The following PSMD5 variants were observed in gnomAD, a reference collection of about 807,000 sequenced individuals.
The protein encoded by PSMD5 is 26S proteasome non-ATPase regulatory subunit 5.
In PSMD5, 40 loss-of-function variants were observed where a neutral mutation model predicts 52.1. The ratio of observed to expected loss-of-function variants is 0.77; its 90% CI spans 0.60 to 1.00. The LOEUF (loss-of-function observed/expected upper bound fraction) is 1.00. PSMD5 is among the 50% of genes least tolerant of loss of function. PSMD5 has a pLI of 0.00. For missense variants in PSMD5, 575 were observed against 605.2 expected (o/e 0.95, Z 0.52); for synonymous variants, 211 against 226.6 (o/e 0.93, Z 0.62).
In PSMD5 at chr9:120,827,624, C is replaced by A. The variant is rs1051193846; in HGVS notation, c.672-717G>T. On this transcript the variant is annotated intron_variant, in intron 5 of 9. Coordinates refer to ENST00000210313, the MANE Select transcript of PSMD5 (RefSeq NM_005047.4). ...AAATAATTAACAAAATTAATTGTCT[C>A]ATTAGGTTGAGACACTCAAATGCAC... Among the ~76,000 whole-genome samples, 8 of 152,248 alleles carry A rather than the reference C, an allele frequency of 5.3e-5. 1 individual carries two copies. The highest frequency in any genetic ancestry group is 6.8e-3 in the Middle Eastern group (2 of 294).
intron 6 of PSMD5, among the ~76,000 whole-genome samples, chr9:120,825,840 T>G (rs1277678174): frequency 6.6e-6 from 1 of 152,154 alleles, no homozygotes; most frequent in African/African-American, 2.4e-5. Context: ...TATATATTAA[T>G]AAAACATTAC....
intron 1 of PSMD5, among the ~76,000 whole-genome samples, chr9:120,837,444 C>T (rs1386307660): frequency 6.6e-6 from 1 of 152,252 alleles, no homozygotes; most frequent in Non-Finnish European, 1.5e-5. Context: ...GTAGCCTCCA[C>T]CTCAGCCTCC....
chr9:120,839,842 G>A (rs1159015955), intron 1 of PSMD5, among the ~76,000 whole-genome samples: 1 of 127,780 alleles, frequency 7.8e-6, no homozygotes, highest in African/African-American at 2.9e-5. Context: ...TTGGCTGGGC[G>A]CAGTGGCTCA....
Position 120,842,855 on chromosome 9 carries a change from G to A in PSMD5, c.55C>T (p.Leu19=), listed in dbSNP as rs767450164. Residue 19 remains leucine, a synonymous_variant, in exon 1 of 10, where the codon CTG becomes TTG. Coordinates refer to ENST00000210313, the MANE Select transcript of PSMD5 (RefSeq NM_005047.4). ...LREVARLEAP[L]EELRALHSVL... ...GAGTGAAGCGCGCGTAGCTCCTCCA[G>A]CGGCGCTTCCAGCCTCGCTACCTCT... The A allele has an allele frequency of 4.4e-6, 7 of 1,606,312 alleles. No homozygotes were observed. The highest frequency in any genetic ancestry group is 5.9e-6 in the Non-Finnish European group (7 of 1,178,664).
intron 6 of PSMD5, among the ~76,000 whole-genome samples, chr9:120,825,882 T>C (rs1166951979): frequency 6.6e-6 from 1 of 152,192 alleles, no homozygotes; most frequent in Non-Finnish European, 1.5e-5. Flanking sequence ...TTTCACTTCT[T>C]TCTTTCCGAT....
At chr9:120,832,343 G>C (rs1001054704) in intron 2 of PSMD5, among the ~76,000 whole-genome samples, 1 of 151,442 alleles carries the variant, frequency 6.6e-6, no homozygotes, top group Non-Finnish European at 1.5e-5. Flanking sequence ...ACAGTGTCTG[G>C]CATATAAATG....
intron 1 of PSMD5, chr9:120,842,248 C>T: frequency 6.4e-6 from 1 of 157,162 alleles, no homozygotes; most frequent in Non-Finnish European, 1.4e-5. Context: ...ATTCCAGCCT[C>T]GGGTTCGAAA....
At chr9:120,818,724 A>G (rs1374703328) in intron 9 of PSMD5, among the ~76,000 whole-genome samples, 2 of 151,974 alleles carry the variant, frequency 1.3e-5, no homozygotes, top group Non-Finnish European at 2.9e-5. Flanking sequence ...CTTTTAACAT[A>G]GACAAATTTT....
chr9:120,824,430 A>C, intron 7 of PSMD5, 64 bp downstream of exon 7: 1 of 1,518,830 alleles, frequency 6.6e-7, no homozygotes. Flanking sequence ...CCAGCAAATG[A>C]ACTTACATAT....
At chr9:120,821,310 C>T (rs2045082432) in intron 8 of PSMD5, 45 bp downstream of exon 8, 3 of 1,271,360 alleles carry the variant, frequency 2.4e-6, no homozygotes, top group African/African-American at 3.0e-5. Context: ...GATTTATTCT[C>T]CCAAACATAT....
chr9:120,818,309 C>A (rs2045059493), intron 9 of PSMD5, 146 bp from the exon 10 acceptor site: 2 of 806,532 alleles, frequency 2.5e-6, no homozygotes, highest in Non-Finnish European at 3.7e-6. Context: ...GAGAATCTAA[C>A]TTAATAAAAT....
chr9:120,835,495 C>A (rs2045191610), intron 1 of PSMD5, among the ~76,000 whole-genome samples: 1 of 152,054 alleles, frequency 6.6e-6, no homozygotes, highest in African/African-American at 2.4e-5. Context: ...GAGGCCATAG[C>A]AGGTGGGTCA....
rs772241680 is a variant in PSMD5, at chr9:120,831,351, C to T, written c.541G>A (p.Val181Ile). 4 of 1,610,154 alleles carry T rather than the reference C, an allele frequency of 2.5e-6. No homozygotes were observed. The highest frequency in any genetic ancestry group is 8.5e-7 in the Non-Finnish European group (1 of 1,178,748). The part of the protein sequence containing the change: ...LKSVMKTNDI[V>I]RYRVYELIIE... ...CTTACCTCATACACCCTGTATCGAACAATGTCATTTGTTTTCATTACACTT... is the reference window on the plus strand; with the variant it reads ...CTTACCTCATACACCCTGTATCGAATAATGTCATTTGTTTTCATTACACTT... Residue 181 changes from valine to isoleucine, a missense_variant, in exon 4 of 10, where the codon GTT becomes ATT. Physicochemically the swap from Val to Ile is conservative, Grantham distance 29. Transcript: ENST00000210313.
chr9:120,842,446 T>C (rs933291741), intron 1 of PSMD5: 1 of 484,358 alleles, frequency 2.1e-6, no homozygotes, highest in Non-Finnish European at 3.7e-6. Flanking sequence ...TCCTTGTAAG[T>C]GGACAGCTTT....
chr9:120,829,496 C>T (rs1026669883), intron 4 of PSMD5, among the ~76,000 whole-genome samples: 25 of 152,094 alleles, frequency 1.6e-4, no homozygotes, highest in Non-Finnish European at 2.8e-4. Context: ...TGAGTTCAAG[C>T]GATTCTCGTG....
At chr9:120,830,888 T>TAA (rs1316538103) in intron 4 of PSMD5, among the ~76,000 whole-genome samples, 5 of 150,740 alleles carry the variant, frequency 3.3e-5, no homozygotes, top group African/African-American at 1.2e-4. Flanking sequence ...GCACTGTAAA[T>TAA]ATATATATAT....
At position 120,826,871 on chromosome 9, in the gene PSMD5, A is replaced by G. The variant is rs146859117; in HGVS notation, c.708T>C (p.Tyr236=). Residue 236 remains tyrosine (Y), a synonymous_variant, in exon 6 of 10, where the codon TAT becomes TAC. Transcript: ENST00000210313. ...CAAGATATTGTCGCCCATGATGAGT[A>G]TATGCCAGTGATGTCACCATTTCTA... ...TCIEMVTSLA[Y]THHGRQYLAQ... is the part of the protein sequence containing the mutation. 10 of 1,613,690 alleles carry G rather than the reference A, an allele frequency of 6.2e-6. No homozygotes were observed. In the African/African-American group the frequency reaches 8.0e-5, roughly 13 times the overall value.
At position 120,829,157 on chromosome 9, in the gene PSMD5, T is replaced by C; in HGVS notation, c.613A>G (p.Thr205Ala). Residue 205 changes from threonine (T) to alanine (A), a missense_variant, in exon 5 of 10, where the codon ACA becomes GCA. Transcript: ENST00000210313. ...VSPESLNYCTTSGLVTQLLRE... is the reference protein window; with the variant it reads ...VSPESLNYCTASGLVTQLLRE... ...AGGAGCTGGGTTACCAATCCACTTG[T>C]GGTACAGTAGTTTAAAGATTCTGGT... 2 of 1,608,576 alleles carry C rather than the reference T, an allele frequency of 1.2e-6. No homozygotes were observed. Among genetic ancestry groups the C allele is most frequent in the Non-Finnish European group, 8.5e-7 (1 of 1,177,284 alleles).
At chr9:120,833,589 C>A (rs888357477) in intron 1 of PSMD5, 133 bp from the exon 2 acceptor site, 2 of 887,030 alleles carry the variant, frequency 2.3e-6, no homozygotes, top group Non-Finnish European at 3.4e-6. Context: ...TTTCACTCAC[C>A]TACTAAACAT....
Sources: gnomAD v4.1 joint callset for allele counts (sites outside exome capture counted in the v4.1 genomes callset) on GRCh38, gnomAD v4.1.1 for gene constraint, MANE v1.5 for transcripts, NCBI Gene and HGNC (gene_info 2026-07-23, HGNC 2026-07-21) for gene names.